SLC9A2: variants seen among roughly 807,000 people sequenced by gnomAD.
SLC9A2 encodes sodium/hydrogen exchanger 2.
SLC9A2 carries 42 observed loss-of-function variants against 71.7 expected under a neutral mutation model. The ratio of observed to expected loss-of-function variants is 0.59; its 90% confidence interval spans 0.46 to 0.76. The LOEUF is 0.76. Ranked by LOEUF, SLC9A2 falls within the 30% of genes least tolerant of loss-of-function variation. SLC9A2 has a pLI of 0.00. For synonymous variants in SLC9A2, 396 were observed against 392.5 expected, an observed-to-expected ratio of 1.01 and a Z score of -0.10; for missense variants, 829 against 1,017.4, an observed-to-expected ratio of 0.81 and a Z score of 2.52.
intron 1 of SLC9A2, among the ~76,000 whole-genome samples, chr2:102,621,453 C>T (rs6731245): frequency 0.13 from 20,270 of 151,734 alleles, 2,704 homozygotes; most frequent in African/African-American, 0.35. Flanking sequence ...TCATTACCCA[C>T]GCCCCAGAAA....
At chr2:102,670,599 C>CAAAAAAAAAAA in intron 3 of SLC9A2, among the ~76,000 whole-genome samples, 1 of 79,978 alleles carries the variant, frequency 1.3e-5, no homozygotes, top group Non-Finnish European at 2.4e-5. Context: ...CTCCCCCCAC[C>CAAAAAAAAAAA]AAAAAAAAAA....
At chr2:102,694,636 G>A in intron 6 of SLC9A2, 133 bp downstream of exon 6, 1 of 453,046 alleles carries the variant, frequency 2.2e-6, no homozygotes, top group Non-Finnish European at 4.0e-6. Flanking sequence ...AGGGCCTGAA[G>A]AAGGTATTTG....
chr2:102,637,388 G>A (rs953883182), intron 1 of SLC9A2, among the ~76,000 whole-genome samples: 4 of 152,162 alleles, frequency 2.6e-5, no homozygotes, highest in Non-Finnish European at 5.9e-5. Context: ...TTGAAAACTG[G>A]CCAGTGCCAT....
intron 1 of SLC9A2, among the ~76,000 whole-genome samples, chr2:102,630,700 C>T (rs952006576): frequency 4.0e-5 from 6 of 151,822 alleles, no homozygotes; most frequent in African/African-American, 1.5e-4. Context: ...CTGTGCTTAA[C>T]CTACTCATTG....
intron 1 of SLC9A2, among the ~76,000 whole-genome samples, chr2:102,624,092 A>G (rs1438802562): frequency 6.6e-6 from 1 of 152,170 alleles, no homozygotes; most frequent in Non-Finnish European, 1.5e-5. Flanking sequence ...TAGTTTTGTA[A>G]TTATAACATT....
At chr2:102,667,877 C>T (rs1677171676) in intron 3 of SLC9A2, among the ~76,000 whole-genome samples, 1 of 151,934 alleles carries the variant, frequency 6.6e-6, no homozygotes, top group Non-Finnish European at 1.5e-5. Flanking sequence ...CAAGACCAGC[C>T]TGGCCAGCAT....
chr2:102,659,976 A>G (rs555655414), intron 2 of SLC9A2, among the ~76,000 whole-genome samples: 1 of 152,328 alleles, frequency 6.6e-6, no homozygotes, highest in East Asian at 1.9e-4. Context: ...TTCATTTCAG[A>G]ATGACACACC....
chr2:102,708,275 A>G lies in SLC9A2; in HGVS notation c.2225A>G (p.Asp742Gly). 6.2e-7 allele frequency: 1 copy of G among 1,614,184 alleles called. No homozygotes were observed. Among genetic ancestry groups the G allele is most frequent in the South Asian group, 1.1e-5 (1 of 91,086 alleles). Residue 742 changes from aspartate (D) to glycine (G), a missense_variant, in exon 12 of 12, where the codon GAT (aspartate) becomes GGT (glycine). Physicochemically the swap from Asp to Gly is moderately conservative, Grantham distance 94 (BLOSUM62 -1). Around this residue, in one of 3 missense-constraint regions of SLC9A2, gnomAD observed 223 missense variants for 197.5 expected, o/e 1.13. Coordinates refer to ENST00000233969, the MANE Select transcript of SLC9A2 (RefSeq NM_003048.6). ...GAGGTAGATGTTGATTCTGGCCGAG[A>G]TATGCCCAGCACCCCCCCAACACCC... Reference protein sequence around the residue: ...KNEVDVDSGRDMPSTPPTPHS... With the variant: ...KNEVDVDSGRGMPSTPPTPHS...
intron 4 of SLC9A2, among the ~76,000 whole-genome samples, chr2:102,683,679 C>G (rs1677497378): frequency 6.6e-6 from 1 of 151,698 alleles, no homozygotes; most frequent in South Asian, 2.1e-4. Context: ...TCCTCCTTTT[C>G]TTATCCTTTC....
In SLC9A2 at chr2:102,708,250, G is replaced by A. The variant is rs1192866272; in HGVS notation, c.2200G>A (p.Glu734Lys). ...GTCCTATAAAATGGAATGGAAGAAT[G>A]AGGTAGATGTTGATTCTGGCCGAGA... is the stretch of plus-strand genomic sequence containing the variant. Reference protein sequence around the residue: ...PQSYKMEWKNEVDVDSGRDMP... With the variant: ...PQSYKMEWKNKVDVDSGRDMP... The change falls in exon 12 of 12, where the codon GAG becomes AAG. Residue 734 changes from glutamate to lysine, a missense_variant. Physicochemically the swap from Glu to Lys is moderately conservative, Grantham distance 56 (BLOSUM62 1). Coordinates refer to ENST00000233969, the MANE Select transcript of SLC9A2 (RefSeq NM_003048.6). The A allele has an allele frequency of 1.2e-6, 2 of 1,614,186 alleles. No homozygotes were observed. Among genetic ancestry groups the A allele is most frequent in the East Asian group, 2.2e-5 (1 of 44,878 alleles).
intron 1 of SLC9A2, among the ~76,000 whole-genome samples, chr2:102,650,518 T>G (rs1230800895): frequency 6.6e-6 from 1 of 152,214 alleles, no homozygotes; most frequent in Non-Finnish European, 1.5e-5. Flanking sequence ...AGAATTATTT[T>G]CTGTTTTTTA....
intron 1 of SLC9A2, among the ~76,000 whole-genome samples, chr2:102,647,933 T>C (rs1676758325): frequency 6.6e-6 from 1 of 152,176 alleles, no homozygotes; most frequent in Non-Finnish European, 1.5e-5. Flanking sequence ...GCTGGTACCA[T>C]TCCTTCTGAA....
At position 102,633,505 on chromosome 2, in the gene SLC9A2, A is replaced by T. The variant is rs562268773; in HGVS notation, c.289+13368A>T. ...ATTGCCATTGTAAAATCACGCAATAATAATAGCACCCGGCTTCCTTCGTGT... is the reference window on the plus strand; with the variant it reads ...ATTGCCATTGTAAAATCACGCAATATTAATAGCACCCGGCTTCCTTCGTGT... On this transcript the variant is annotated intron_variant, in intron 1 of 11. Coordinates refer to ENST00000233969, the MANE Select transcript of SLC9A2 (RefSeq NM_003048.6). 7.4e-4 allele frequency among the ~76,000 whole-genome samples: 113 copies of T among 152,334 alleles called. 1 individual carries two copies. The highest frequency in any genetic ancestry group is 1.9e-4 in the East Asian group (1 of 5,190).
intron 1 of SLC9A2, among the ~76,000 whole-genome samples, chr2:102,632,121 C>CATATACACACATATATACACAT (rs796379133): frequency 1.1e-5 from 1 of 95,098 alleles, no homozygotes; most frequent in Non-Finnish European, 2.0e-5. Context: ...TGTATATATA[C>CATATACACACATATATACACAT]ATATATACAT....
intron 10 of SLC9A2, among the ~76,000 whole-genome samples, chr2:102,704,895 T>A (rs1677944435): frequency 6.6e-6 from 1 of 152,142 alleles, no homozygotes; most frequent in Non-Finnish European, 1.5e-5. Flanking sequence ...AGGAAAGCCA[T>A]TTAAAAACAA....
intron 5 of SLC9A2, among the ~76,000 whole-genome samples, chr2:102,693,034 A>G (rs1355499133): frequency 1.3e-5 from 2 of 151,268 alleles, no homozygotes; most frequent in South Asian, 2.1e-4. Context: ...TACTTATTAG[A>G]TACTAGTATA....
At chr2:102,646,490 T>G (rs547786710) in intron 1 of SLC9A2, among the ~76,000 whole-genome samples, 10 of 152,226 alleles carry the variant, frequency 6.6e-5, no homozygotes, top group Non-Finnish European at 1.0e-4. Context: ...ATGCCCCAAT[T>G]AAAAGACACA....
At chr2:102,623,731 C>T (rs933432564) in intron 1 of SLC9A2, among the ~76,000 whole-genome samples, 1 of 152,044 alleles carries the variant, frequency 6.6e-6, no homozygotes, top group South Asian at 2.1e-4. Context: ...CTATTTGGGG[C>T]ACTTTTGTGC....
At chr2:102,625,262 A>C (rs1319819451) in intron 1 of SLC9A2, among the ~76,000 whole-genome samples, 2 of 152,102 alleles carry the variant, frequency 1.3e-5, no homozygotes, top group Non-Finnish European at 2.9e-5. Flanking sequence ...GTCTTCTAGA[A>C]TTTTGCCACT....
Sources: allele counts gnomAD v4.1 joint callset (sites outside exome capture counted in the v4.1 genomes callset), GRCh38; gene constraint gnomAD v4.1.1; regional missense constraint gnomAD v4.1.1; transcripts MANE v1.5; gene names NCBI Gene and HGNC (gene_info 2026-07-23, HGNC 2026-07-21).